Variants in TULP2 observed in about 807,000 individuals in gnomAD.
The protein encoded by TULP2 is TUB like protein 2, also known as tubby-related protein 2.
TULP2 carries 64 observed loss-of-function variants against 60.3 expected under a neutral mutation model. The observed-to-expected ratio is 1.06, with a 90% CI of 0.87 to 1.31. TULP2 has a LOEUF of 1.31. TULP2 is among the 50% of genes most tolerant of loss of function. The pLI is 0.00. For synonymous variants in TULP2, 267 were observed against 265.4 expected (o/e 1.01, Z -0.06); for missense variants, 652 against 667.0 (o/e 0.98, Z 0.25).
intron 6 of TULP2, among the ~76,000 whole-genome samples, chr19:48,890,363 C>G (rs994600256): frequency 6.6e-6 from 1 of 152,108 alleles, no homozygotes; most frequent in Non-Finnish European, 1.5e-5. Context: ...TCTGCTGACC[C>G]TCTCCCCACT....
At chr19:48,884,908 CTTTT>C (rs745788084) in intron 9 of TULP2, among the ~76,000 whole-genome samples, 2 of 97,378 alleles carry the variant, frequency 2.1e-5, no homozygotes, top group Non-Finnish European at 4.1e-5. Context: ...TAGGAACCCT[CTTTT>C]TTTTTTTTTT....
chr19:48,890,758 A>G lies in TULP2; in HGVS notation c.515-1127T>C, dbSNP rs115203511. ...ACTTGCAACAACCTCCTCCTCCTCC[A>G]GGTGCACGGAAGTCTACAAGGGCCA... On this transcript the variant is annotated intron_variant, in intron 6 of 12. Transcript: ENST00000221399. Among the ~76,000 whole-genome samples, 1,190 of 152,162 alleles carry G rather than the reference A, an allele frequency of 7.8e-3. 20 individuals are homozygous for G. The highest frequency in any genetic ancestry group is 0.027 in the African/African-American group (1,122 of 41,486).
rs2037269400 is a variant in TULP2, at chr19:48,895,397, C to A, written c.318G>T (p.Glu106Asp). The change falls in exon 5 of 13, where the codon GAG becomes GAT. Residue 106 changes from glutamate to aspartate, a missense_variant. Coordinates refer to ENST00000221399, the MANE Select transcript of TULP2 (RefSeq NM_003323.3). ...TVSCGGDGRG[E>D]RGLPTPRTEA... ...CTGTCCGCGGTGTCGGGAGGCCGCG[C>A]TCGCCCCTGCCGTCTCCACCACAGC... 6.2e-7 allele frequency: 1 copy of A among 1,613,780 alleles called. No individual in the cohort carries two copies. The highest frequency in any genetic ancestry group is 1.7e-5 in the Admixed American group (1 of 59,966).
intron 5 of TULP2, 85 bp from the exon 6 acceptor site, chr19:48,895,247 GGA>G: frequency 6.4e-7 from 1 of 1,573,768 alleles, no homozygotes; most frequent in Non-Finnish European, 8.6e-7. Flanking sequence ...GTGTGAGGAA[GGA>G]GTGGGTGCGG....
chr19:48,885,607 G>C (rs748580774), intron 8 of TULP2, 47 bp from the exon 9 acceptor site: 2 of 1,568,934 alleles, frequency 1.3e-6, no homozygotes, highest in African/African-American at 2.7e-5. Flanking sequence ...CTGGATGCTG[G>C]GTGTGGTGGC....
chr19:48,887,012 C>CTTT (rs535945118), intron 8 of TULP2, among the ~76,000 whole-genome samples: 1 of 132,596 alleles, frequency 7.5e-6, no homozygotes, highest in Non-Finnish European at 1.6e-5. Context: ...CGTGCCCGGC[C>CTTT]TTTTTTTTTT....
Position 48,887,983 on chromosome 19 carries a change from G to A in TULP2, c.915C>T (p.Tyr305=), listed in dbSNP as rs558408406. The A allele has an allele frequency of 6.2e-7, 1 of 1,613,940 alleles. No individual in the cohort carries two copies. The highest frequency in any genetic ancestry group is 8.5e-7 in the Non-Finnish European group (1 of 1,179,802). ...TGTCAGAGGTCTCCAGGTAGAGGTA[G>A]TAGAGGGGGAACAAGCCCTTGTCCA... ...HGVDKGLFPL[Y]YLYLETSDSL... Residue 305 remains tyrosine, a synonymous_variant, in exon 8 of 13, where the codon TAC becomes TAT. Transcript: ENST00000221399.
chr19:48,897,844 T>C lies in TULP2; in HGVS notation c.25A>G (p.Met9Val). The C allele has an allele frequency of 1.9e-6, 3 of 1,613,676 alleles. No individual in the cohort carries two copies. The highest frequency in any genetic ancestry group is 2.5e-6 in the Non-Finnish European group (3 of 1,179,832). The change falls in exon 2 of 13, where the codon ATG becomes GTG. Residue 9 changes from methionine (M) to valine (V), a missense_variant. By Grantham distance (21) the Met-to-Val change is conservative. Transcript: ENST00000221399. The surrounding 1 kb of genome is among the most constrained non-coding windows in gnomAD (Gnocchi z 4.0). The part of the protein sequence containing the change: MSQDNDTL[M>V]RDILGHELAA... ...ATCTGTTTCCCTACTCACTCTCTCA[T>C]CAATGTGTCATTATCCTGAGACATT...
At chr19:48,896,117 C>T (rs2037276470) in intron 4 of TULP2, among the ~76,000 whole-genome samples, 1 of 152,156 alleles carries the variant, frequency 6.6e-6, no homozygotes, top group South Asian at 2.1e-4. Flanking sequence ...CAGGCTCCAC[C>T]ACCGAGCTCT....
chr19:48,896,499 C>T lies in TULP2; in HGVS notation c.142G>A (p.Ala48Thr). 1 of 1,610,408 alleles carries T rather than the reference C, an allele frequency of 6.2e-7. No homozygotes were observed. The highest frequency in any genetic ancestry group is 8.5e-7 in the Non-Finnish European group (1 of 1,178,530). Residue 48 changes from alanine (A) to threonine (T), a missense_variant, in exon 4 of 13, where the codon GCC (alanine) becomes ACC (threonine). By Grantham distance (58) the Ala-to-Thr change is moderately conservative. Coordinates refer to ENST00000221399, the MANE Select transcript of TULP2 (RefSeq NM_003323.3). ...AGCCACGGGGAAGCGTCAGGATTGG[C>T]CTGAACCATGAGGAGCTCCTGGCGC... ...QKRQELLMVQANPDASPWLWR... is the reference protein window; with the variant it reads ...QKRQELLMVQTNPDASPWLWR...
In TULP2 at chr19:48,897,687, C is replaced by A; in HGVS notation, c.32+150G>T. Reference sequence around the variant, plus strand: ...CCAGAAGTCTGCACCCTAGCCCCATCCCTTCAGGACACAGGAGTCCAGGTC... The same window carrying A: ...CCAGAAGTCTGCACCCTAGCCCCATACCTTCAGGACACAGGAGTCCAGGTC... On this transcript the variant is annotated intron_variant, in intron 2 of 12. Transcript: ENST00000221399. This position sits in a 1 kb window ranked among gnomAD's most constrained non-coding sequence, Gnocchi z 4.0. 2.1e-6 allele frequency: 2 copies of A among 941,200 alleles called. No homozygotes were observed. The highest frequency in any genetic ancestry group is 1.4e-5 in the South Asian group (1 of 73,634). The allele number at this position is 941,200 out of a possible 1,614,324, so 58.3% of individuals were successfully genotyped here. A position where few individuals can be genotyped will look rare whatever the true frequency, so the allele number is the denominator to read the frequency against.
chr19:48,893,759 G>A (rs2037254225), intron 6 of TULP2, among the ~76,000 whole-genome samples: 1 of 152,030 alleles, frequency 6.6e-6, no homozygotes, highest in African/African-American at 2.4e-5. Flanking sequence ...TCACCATGTT[G>A]GCCAGACTGG....
In TULP2 at chr19:48,888,180, T is replaced by G. The variant is rs758029210; in HGVS notation, c.718A>C (p.Lys240Gln). Residue 240 changes from lysine (K) to glutamine (Q), a missense_variant, in exon 8 of 13, where the codon AAG (lysine) becomes CAG (glutamine). Lys to Gln is a moderately conservative substitution (Grantham distance 53). Coordinates refer to ENST00000221399, the MANE Select transcript of TULP2 (RefSeq NM_003323.3). ...GTGCCACCCTCGCCTTTCAGGGCCT[T>G]GGACAACTCTTCGTTGTGTGCTGCT... Reference protein sequence around the residue: ...SSAAHNEELSKALKGEGGTDS... With the variant: ...SSAAHNEELSQALKGEGGTDS... 4 of 1,614,052 alleles carry G rather than the reference T, an allele frequency of 2.5e-6. No individual in the cohort carries two copies. Among genetic ancestry groups the G allele is most frequent in the African/African-American group, 1.3e-5 (1 of 74,922 alleles).
Position 48,887,953 on chromosome 19 carries a change from C to T in TULP2, c.945G>A (p.Leu315=). 1 of 1,607,080 alleles carries T rather than the reference C, an allele frequency of 6.2e-7. No individual in the cohort carries two copies. The highest frequency in any genetic ancestry group is 8.5e-7 in the Non-Finnish European group (1 of 1,174,344). ...CTGTTGGGCTGGCTTACTGCACCTG[C>T]AGGCTGTCAGAGGTCTCCAGGTAGA... ...YYLYLETSDS[L]QRFLLAGRKR... Residue 315 remains leucine, a synonymous_variant, in exon 8 of 13, where the codon CTG becomes CTA. Transcript: ENST00000221399.
At chr19:48,894,846 C>T (rs2037263903) in intron 6 of TULP2, 152 bp downstream of exon 6, 13 of 1,058,930 alleles carry the variant, frequency 1.2e-5, no homozygotes, top group South Asian at 1.8e-5. Context: ...GAGGGGCGAC[C>T]GTGTACTGGA....
Position 48,887,990 on chromosome 19 carries a change from G to A in TULP2, c.908C>T (p.Pro303Leu), listed in dbSNP as rs748655387. The A allele has an allele frequency of 1.6e-5, 26 of 1,613,888 alleles. No homozygotes were observed. In the Admixed American group the frequency reaches 4.2e-4, roughly 26 times the overall value. ...DKHGVDKGLF[P>L]LYYLYLETSD... is the part of the protein sequence containing the mutation. ...GGTCTCCAGGTAGAGGTAGTAGAGG[G>A]GGAACAAGCCCTTGTCCACGCCGTG... Residue 303 changes from proline (P) to leucine (L), a missense_variant, in exon 8 of 13, where the codon CCC (proline) becomes CTC (leucine). Pro to Leu is a moderately conservative substitution (Grantham distance 98, BLOSUM62 -3). Transcript: ENST00000221399.
chr19:48,891,077 G>A (rs1370905443), intron 6 of TULP2, among the ~76,000 whole-genome samples: 1 of 151,898 alleles, frequency 6.6e-6, no homozygotes, highest in Admixed American at 6.6e-5. Flanking sequence ...CACTTTGGGA[G>A]GCCGAGGCGG....
At position 48,896,595 on chromosome 19, in the gene TULP2, C is replaced by A. The variant is rs948422785; in HGVS notation, c.85-39G>T. The A allele has an allele frequency of 1.9e-6, 3 of 1,551,538 alleles. No homozygotes were observed. In the Admixed American group the frequency reaches 5.9e-5, roughly 30 times the overall value. On this transcript the variant is annotated intron_variant, in intron 3 of 12. Coordinates refer to ENST00000221399, the MANE Select transcript of TULP2 (RefSeq NM_003323.3). Reference sequence around the variant, plus strand: ...AGAGGTGGGTGTCCGGGACAGGAACCAGATGGGAAGACAGAAGTGAGGTGG... The same window carrying A: ...AGAGGTGGGTGTCCGGGACAGGAACAAGATGGGAAGACAGAAGTGAGGTGG...
chr19:48,893,911 G>A (rs1464296098), intron 6 of TULP2, among the ~76,000 whole-genome samples: 2 of 152,138 alleles, frequency 1.3e-5, no homozygotes, highest in Non-Finnish European at 2.9e-5. Flanking sequence ...TTGTGGTGAC[G>A]GTTGCAGAAT....
Sources: gnomAD v4.1 joint callset for allele counts (sites outside exome capture counted in the v4.1 genomes callset) on GRCh38, gnomAD v4.1.1 for gene constraint, Gnocchi (gnomAD v3.1) non-coding constraint, MANE v1.5 for transcripts, NCBI Gene and HGNC (gene_info 2026-07-23, HGNC 2026-07-21) for gene names.